THSD4: variants seen among roughly 807,000 people sequenced by gnomAD.
The protein encoded by THSD4 is thrombospondin type-1 domain-containing protein 4.
THSD4 carries 69 observed loss-of-function variants against 119.0 expected under a neutral mutation model. The ratio of observed to expected loss-of-function variants is 0.58; its 90% CI spans 0.48 to 0.71. The LOEUF is 0.71. Ranked by LOEUF, THSD4 falls within the 30% of genes least tolerant of loss-of-function variation. THSD4 has a pLI of 0.00. For synonymous variants in THSD4, 524 were observed against 540.4 expected (o/e 0.97, Z 0.42); for missense variants, 1,393 against 1,391.1 (o/e 1.00, Z -0.02).
At chr15:71,608,251 C>T (rs28601855) in intron 7 of THSD4, among the ~76,000 whole-genome samples, 6,020 of 57,772 alleles carry the variant, frequency 0.1, 242 homozygotes, top group East Asian at 0.25. Flanking sequence ...TATATATATA[C>T]ACACACACAC....
intron 6 of THSD4, among the ~76,000 whole-genome samples, chr15:71,354,008 A>G (rs1261077677): frequency 6.6e-6 from 1 of 152,214 alleles, no homozygotes; most frequent in East Asian, 1.9e-4. Flanking sequence ...TGTCTGGAAA[A>G]GGAGCCACCT....
intron 14 of THSD4, among the ~76,000 whole-genome samples, chr15:71,755,021 A>G (rs1027957027): frequency 2.0e-5 from 3 of 152,072 alleles, no homozygotes; most frequent in African/African-American, 7.2e-5. Flanking sequence ...CTTGGAGTCA[A>G]CTCCCCATCT....
chr15:71,492,418 C>G (rs915570533), intron 7 of THSD4, among the ~76,000 whole-genome samples: 1 of 150,516 alleles, frequency 6.6e-6, no homozygotes, highest in Admixed American at 6.6e-5. Context: ...GTGCGCACCA[C>G]CATGCCCATC....
At chr15:71,499,535 A>G (rs1431402393) in intron 7 of THSD4, among the ~76,000 whole-genome samples, 1 of 151,706 alleles carries the variant, frequency 6.6e-6, no homozygotes, top group African/African-American at 2.4e-5. Flanking sequence ...CCATCTTAAC[A>G]ATTTTTAAGT....
intron 7 of THSD4, among the ~76,000 whole-genome samples, chr15:71,622,988 C>T (rs921026635): frequency 6.6e-6 from 1 of 151,878 alleles, no homozygotes; most frequent in African/African-American, 2.4e-5. Flanking sequence ...GAAGAGGAGT[C>T]TTTTCTGTTG....
intron 6 of THSD4, among the ~76,000 whole-genome samples, chr15:71,325,962 A>G (rs79425000): frequency 1.1e-3 from 169 of 152,316 alleles, no homozygotes; most frequent in African/African-American, 3.8e-3. Context: ...TGCATGTAAA[A>G]TACATTATGG....
chr15:71,461,897 T>C (rs2047433658), intron 7 of THSD4, among the ~76,000 whole-genome samples: 1 of 152,238 alleles, frequency 6.6e-6, no homozygotes, highest in East Asian at 1.9e-4. Flanking sequence ...GTTGCCATCC[T>C]GGAGTGCAGG....
intron 7 of THSD4, among the ~76,000 whole-genome samples, chr15:71,424,230 G>A (rs1270208092): frequency 6.6e-6 from 1 of 152,138 alleles, no homozygotes; most frequent in Non-Finnish European, 1.5e-5. Context: ...GGATGATGAT[G>A]AAGGCTACTA....
intron 6 of THSD4, among the ~76,000 whole-genome samples, chr15:71,405,448 A>AC (rs2046592813): frequency 6.6e-6 from 1 of 152,116 alleles, no homozygotes; most frequent in Non-Finnish European, 1.5e-5. Flanking sequence ...TGCAAACAGT[A>AC]TTTTTTCCCT....
At chr15:71,572,623 C>A (rs961734728) in intron 7 of THSD4, among the ~76,000 whole-genome samples, 1 of 152,062 alleles carries the variant, frequency 6.6e-6, no homozygotes, top group East Asian at 1.9e-4. Flanking sequence ...TTAGGAGCCA[C>A]CCCCTTGAAG....
At chr15:71,354,199 G>T (rs1397631879) in intron 6 of THSD4, among the ~76,000 whole-genome samples, 2 of 152,200 alleles carry the variant, frequency 1.3e-5, no homozygotes, top group Non-Finnish European at 2.9e-5. Flanking sequence ...GGAAGCTGAG[G>T]CAGGAGGATC....
chr15:71,378,749 T>C (rs2046184812), intron 6 of THSD4, among the ~76,000 whole-genome samples: 1 of 152,200 alleles, frequency 6.6e-6, no homozygotes, highest in South Asian at 2.1e-4. Context: ...AATTCTTTCT[T>C]CTAGGTATAA....
In THSD4 at chr15:71,215,164, A is replaced by C. The variant is rs1038361648; in HGVS notation, c.229A>C (p.Thr77Pro). ...CTGCAGCGGCGGCGTGATGGAGCAG[A>C]CGCGGCCCTGCCTGCCCCGCTCCTA... ...RSCSGGVMEQ[T>P]RPCLPRSYRL... The change falls in exon 4 of 18, where the codon ACG becomes CCG. Residue 77 changes from threonine to proline, a missense_variant. Coordinates refer to ENST00000261862, the MANE Select transcript of THSD4 (RefSeq NM_024817.3). The C allele has an allele frequency of 7.3e-7, 1 of 1,378,850 alleles. No individual in the cohort carries two copies. Among genetic ancestry groups the C allele is most frequent in the Non-Finnish European group, 9.4e-7 (1 of 1,065,120 alleles). The allele number at this position is 1,378,850 out of a possible 1,614,324, so 85.4% of individuals were successfully genotyped here. A position where few individuals can be genotyped will look rare whatever the true frequency, so the allele number is the denominator to read the frequency against.
intron 7 of THSD4, among the ~76,000 whole-genome samples, chr15:71,586,416 A>G (rs1386228916): frequency 6.6e-6 from 1 of 152,086 alleles, no homozygotes; most frequent in Non-Finnish European, 1.5e-5. Flanking sequence ...TAGAGCTTGG[A>G]ATATTTTTCT....
At chr15:71,541,225 C>T (rs2048755658) in intron 7 of THSD4, among the ~76,000 whole-genome samples, 1 of 152,092 alleles carries the variant, frequency 6.6e-6, no homozygotes, top group Non-Finnish European at 1.5e-5. Context: ...TCAACATCAA[C>T]CCAACATAAA....
chr15:71,757,332 C>A (rs577396906), intron 14 of THSD4, among the ~76,000 whole-genome samples: 20 of 152,132 alleles, frequency 1.3e-4, no homozygotes, highest in African/African-American at 4.8e-4. Flanking sequence ...AGACTTAAGT[C>A]CCCCTATTTT....
intron 3 of THSD4, among the ~76,000 whole-genome samples, chr15:71,212,752 C>T (rs1442662963): frequency 1.3e-5 from 2 of 152,234 alleles, no homozygotes; most frequent in Admixed American, 1.3e-4. Context: ...CTGCACTAGC[C>T]TGAGACGGAG....
intron 7 of THSD4, among the ~76,000 whole-genome samples, chr15:71,482,634 G>T (rs1337786052): frequency 6.6e-6 from 1 of 150,682 alleles, no homozygotes; most frequent in African/African-American, 2.4e-5. Context: ...TGCCCAGGCT[G>T]GAGTACAGTG....
intron 8 of THSD4, among the ~76,000 whole-genome samples, chr15:71,724,155 T>G: frequency 6.9e-6 from 1 of 144,838 alleles, no homozygotes; most frequent in East Asian, 2.1e-4. Context: ...GGAGGGAAGA[T>G]GATGTTGTAG....
Sources: allele counts gnomAD v4.1 joint callset (sites outside exome capture counted in the v4.1 genomes callset), GRCh38; gene constraint gnomAD v4.1.1; transcripts MANE v1.5; gene names NCBI Gene and HGNC (gene_info 2026-07-23, HGNC 2026-07-21).